The following FGF14 variants were observed in gnomAD, a reference collection of about 807,000 sequenced individuals.
FGF14 encodes the protein fibroblast growth factor homologous factor 4.
In FGF14, 5 loss-of-function variants were observed where a neutral mutation model predicts 25.5. That is an observed-to-expected ratio of 0.20 (90% confidence interval 0.10 to 0.41). FGF14 has a LOEUF of 0.41. Ranked by LOEUF, FGF14 falls within the 10% of genes least tolerant of loss-of-function variation. The pLI, the probability that FGF14 is intolerant of heterozygous loss-of-function variation, is 1.00. For missense variants in FGF14, 222 were observed against 320.1 expected, an observed-to-expected ratio of 0.69 and a Z score of 2.34; for synonymous variants, 138 against 118.3, an observed-to-expected ratio of 1.17 and a Z score of -1.08.
At chr13:102,156,429 A>G (rs2047341982) in intron 1 of FGF14, among the ~76,000 whole-genome samples, 1 of 152,218 alleles carries the variant, frequency 6.6e-6, no homozygotes, top group Non-Finnish European at 1.5e-5. Flanking sequence ...ATCTCAACAG[A>G]TGCAGAAAAA....
chr13:102,086,024 T>C lies in FGF14; in HGVS notation c.209-210728A>G, dbSNP rs775303878. Among the ~76,000 whole-genome samples the C allele has an allele frequency of 7.9e-5, 12 of 152,184 alleles. 1 individual carries two copies. The highest frequency in any genetic ancestry group is 1.2e-4 in the Non-Finnish European group (8 of 68,028). Reference sequence around the variant, plus strand: ...GCATGTGTTTACTATCCAAGGTCCATAGAGCAAGCAAAAGGGCAGGCTACT... The same window carrying C: ...GCATGTGTTTACTATCCAAGGTCCACAGAGCAAGCAAAAGGGCAGGCTACT... On this transcript the variant is annotated intron_variant, in intron 1 of 4. Coordinates refer to the FGF14 transcript ENST00000376131.
chr13:101,896,692 C>T (rs1176393741), intron 1 of FGF14, among the ~76,000 whole-genome samples: 1 of 152,076 alleles, frequency 6.6e-6, no homozygotes, highest in Non-Finnish European at 1.5e-5. Context: ...TTTTGGAGGG[C>T]ATATGTGTAC....
intron 1 of FGF14, among the ~76,000 whole-genome samples, chr13:102,022,311 G>T (rs2040701464): frequency 6.6e-6 from 1 of 152,046 alleles, no homozygotes; most frequent in African/African-American, 2.4e-5. Flanking sequence ...GAAAATGAGA[G>T]GAGAGGGAAC....
chr13:101,943,818 A>ATATATATAT (rs2035608369), intron 1 of FGF14, among the ~76,000 whole-genome samples: 1 of 115,938 alleles, frequency 8.6e-6, no homozygotes, highest in African/African-American at 6.9e-5. Context: ...TACTTAAAAA[A>ATATATATAT]AAAAAAAAAT....
chr13:102,004,716 C>T (rs1377455533), intron 1 of FGF14, among the ~76,000 whole-genome samples: 1 of 152,154 alleles, frequency 6.6e-6, no homozygotes, highest in Non-Finnish European at 1.5e-5. Context: ...CCATAATCCC[C>T]ACAGGTCATG....
intron 1 of FGF14, among the ~76,000 whole-genome samples, chr13:102,080,046 G>A (rs141215615): frequency 6.6e-6 from 1 of 152,132 alleles, no homozygotes; most frequent in Non-Finnish European, 1.5e-5. Flanking sequence ...GGGCAAGGAT[G>A]GGGTGGGAGG....
chr13:102,072,379 T>A (rs2043188508), intron 1 of FGF14, among the ~76,000 whole-genome samples: 1 of 152,002 alleles, frequency 6.6e-6, no homozygotes, highest in South Asian at 2.1e-4. Context: ...CATAAATAAA[T>A]AAATAAAGGA....
chr13:101,942,816 T>A (rs1017009491), intron 1 of FGF14, among the ~76,000 whole-genome samples: 1 of 152,214 alleles, frequency 6.6e-6, no homozygotes, highest in African/African-American at 2.4e-5. Context: ...ACTTGTATAA[T>A]CAGGTAAGGT....
intron 1 of FGF14, among the ~76,000 whole-genome samples, chr13:102,321,942 C>G (rs2056259593): frequency 6.6e-6 from 1 of 152,122 alleles, no homozygotes; most frequent in Non-Finnish European, 1.5e-5. Context: ...GGGAGCAGAC[C>G]AAATTTCCTA....
At chr13:102,396,733 A>T (rs1201345205) in intron 1 of FGF14, among the ~76,000 whole-genome samples, 1 of 152,234 alleles carries the variant, frequency 6.6e-6, no homozygotes, top group African/African-American at 2.4e-5. Flanking sequence ...CATTGTTAAA[A>T]CTAAGTTTAG....
intron 3 of FGF14, among the ~76,000 whole-genome samples, chr13:101,815,604 T>C (rs551319060): frequency 6.6e-6 from 1 of 152,116 alleles, no homozygotes; most frequent in Non-Finnish European, 1.5e-5. Context: ...CATCGTATCT[T>C]ATCACAGTCA....
At chr13:101,744,154 C>T (rs1276307658) in intron 3 of FGF14, among the ~76,000 whole-genome samples, 1 of 152,114 alleles carries the variant, frequency 6.6e-6, no homozygotes, top group Non-Finnish European at 1.5e-5. Flanking sequence ...GGAATATAAA[C>T]TTCTGCCTTT....
chr13:102,116,160 A>G (rs2045461793), intron 1 of FGF14, among the ~76,000 whole-genome samples: 1 of 152,150 alleles, frequency 6.6e-6, no homozygotes, highest in Non-Finnish European at 1.5e-5. Flanking sequence ...CCACCACTTC[A>G]TATCACTAGG....
intron 1 of FGF14, among the ~76,000 whole-genome samples, chr13:102,394,054 C>G (rs2139248797): frequency 6.6e-6 from 1 of 152,338 alleles, no homozygotes; most frequent in African/African-American, 2.4e-5. Context: ...CAATATCCTT[C>G]TTGTAGTAGC....
intron 4 of FGF14, among the ~76,000 whole-genome samples, chr13:101,723,874 A>G (rs1027105686): frequency 6.6e-6 from 1 of 152,116 alleles, no homozygotes; most frequent in Admixed American, 6.6e-5. Flanking sequence ...AGTGCATTAG[A>G]GCTGCCCAAA....
At chr13:102,223,292 G>A (rs1354372582) in intron 1 of FGF14, among the ~76,000 whole-genome samples, 2 of 152,110 alleles carry the variant, frequency 1.3e-5, no homozygotes, top group Non-Finnish European at 1.5e-5. Context: ...TTGGGGAAGA[G>A]GGCAATGCAC....
intron 3 of FGF14, among the ~76,000 whole-genome samples, chr13:101,847,689 T>G (rs1263310415): frequency 6.6e-6 from 1 of 152,068 alleles, no homozygotes; most frequent in Non-Finnish European, 1.5e-5. Flanking sequence ...CTCCAATTCT[T>G]GTTAATACAT....
intron 1 of FGF14, among the ~76,000 whole-genome samples, chr13:102,289,388 A>G (rs564197538): frequency 1.3e-5 from 2 of 152,318 alleles, no homozygotes; most frequent in South Asian, 4.1e-4. Context: ...CTCTTTTGGT[A>G]AAGAGCTAAA....
intron 1 of FGF14, among the ~76,000 whole-genome samples, chr13:101,905,663 G>A (rs2032153009): frequency 6.6e-6 from 1 of 151,904 alleles, no homozygotes; most frequent in Non-Finnish European, 1.5e-5. Context: ...TAACAAAACT[G>A]CACATTCTGC....
Sources: gnomAD v4.1 joint callset for allele counts (sites outside exome capture counted in the v4.1 genomes callset) on GRCh38, gnomAD v4.1.1 for gene constraint, MANE v1.5 for transcripts, NCBI Gene and HGNC (gene_info 2026-07-23, HGNC 2026-07-21) for gene names.